C12orf42: variants seen among roughly 807,000 people sequenced by gnomAD.
C12orf42 encodes the protein uncharacterized protein C12orf42.
A neutral mutation model predicts 21.6 loss-of-function variants in C12orf42; 25 were observed. The observed-to-expected ratio is 1.16, with a 90% CI of 0.84 to 1.62. The LOEUF (loss-of-function observed/expected upper bound fraction) is 1.62, where lower values mean the gene tolerates loss of function less well. C12orf42 is among the 40% of genes most tolerant of loss of function. C12orf42 has a pLI of 0.00. For missense variants in C12orf42, 483 were observed against 459.3 expected (o/e 1.05, Z -0.47); for synonymous variants, 174 against 175.0 (o/e 0.99, Z 0.05).
chr12:103,262,620 A>G (rs956870126), intron 10 of C12orf42, among the ~76,000 whole-genome samples: 8 of 152,202 alleles, frequency 5.3e-5, no homozygotes, highest in Admixed American at 3.3e-4. Flanking sequence ...GAAAAGGAAC[A>G]TTATCTTTAA....
At chr12:103,185,761 T>C in the C12orf42 span, among the ~76,000 whole-genome samples, 76 of 152,310 alleles carry the variant, frequency 5.0e-4, no homozygotes, top group African/African-American at 1.8e-3. Flanking sequence ...TGCTTTTGCA[T>C]CTTCTGCATT....
intron 4 of C12orf42, among the ~76,000 whole-genome samples, chr12:103,330,387 G>A (rs1490536727): frequency 1.3e-5 from 2 of 152,130 alleles, no homozygotes; most frequent in African/African-American, 2.4e-5. Flanking sequence ...TTGGAGGTAC[G>A]GGAATTACTC....
chr12:103,243,627 T>C (rs1445404929), intron 10 of C12orf42, among the ~76,000 whole-genome samples: 5 of 152,192 alleles, frequency 3.3e-5, no homozygotes, highest in Non-Finnish European at 7.4e-5. Context: ...GCCTTTCTAG[T>C]AAGTAGAAAA....
At chr12:103,429,222 A>C (rs1157890028) in intron 2 of C12orf42, among the ~76,000 whole-genome samples, 1 of 152,192 alleles carries the variant, frequency 6.6e-6, no homozygotes, top group African/African-American at 2.4e-5. Context: ...AGAAAACCCC[A>C]TTGTCTCAGC....
chr12:103,474,466 G>A (rs1953891325), intron 2 of C12orf42, among the ~76,000 whole-genome samples: 1 of 151,942 alleles, frequency 6.6e-6, no homozygotes, highest in East Asian at 1.9e-4. Context: ...GTGTGTGTGT[G>A]TGTGTGTGTG....
At chr12:103,393,616 T>C (rs2047260937) in intron 3 of C12orf42, among the ~76,000 whole-genome samples, 1 of 152,198 alleles carries the variant, frequency 6.6e-6, no homozygotes, top group African/African-American at 2.4e-5. Context: ...ACTATCACTA[T>C]CTGGACCATC....
chr12:103,230,902 C>G, the C12orf42 span, among the ~76,000 whole-genome samples: 1 of 151,942 alleles, frequency 6.6e-6, no homozygotes, highest in Admixed American at 6.6e-5. Context: ...TAATTTTTGA[C>G]CTTTCTTTTT....
chr12:103,410,781 A>C (rs1166831819), intron 2 of C12orf42, among the ~76,000 whole-genome samples: 1 of 152,216 alleles, frequency 6.6e-6, no homozygotes, highest in Non-Finnish European at 1.5e-5. Context: ...TCAGATTAAC[A>C]AATCAGATTA....
intron 2 of C12orf42, among the ~76,000 whole-genome samples, chr12:103,473,196 A>T (rs1953764529): frequency 1.3e-5 from 2 of 152,256 alleles, no homozygotes; most frequent in Non-Finnish European, 2.9e-5. Context: ...AAATAATGAC[A>T]CATAATCATC....
the C12orf42 span, chr12:103,167,979 C>A: frequency 2.2e-6 from 1 of 446,220 alleles, no homozygotes; most frequent in African/African-American, 2.1e-5. Context: ...CAACTGAATT[C>A]TGAAAAATTT....
chr12:103,443,427 A>G (rs567678399), intron 2 of C12orf42, among the ~76,000 whole-genome samples: 1 of 152,200 alleles, frequency 6.6e-6, no homozygotes, highest in East Asian at 1.9e-4. Flanking sequence ...AACTTTTCTG[A>G]GACAATCTGC....
At chr12:103,399,639 A>T (rs1387888995) in intron 3 of C12orf42, among the ~76,000 whole-genome samples, 2 of 152,104 alleles carry the variant, frequency 1.3e-5, no homozygotes, top group East Asian at 3.9e-4. Context: ...AGTTTCCTGG[A>T]ACTACCTGAA....
At chr12:103,398,024 T>C (rs1049244965) in intron 3 of C12orf42, among the ~76,000 whole-genome samples, 7 of 152,114 alleles carry the variant, frequency 4.6e-5, no homozygotes, top group Non-Finnish European at 4.4e-5. Flanking sequence ...GAATATCACA[T>C]ATGTACCTCA....
intron 10 of C12orf42, among the ~76,000 whole-genome samples, chr12:103,238,375 G>A (rs765262887): frequency 5.9e-5 from 9 of 152,104 alleles, no homozygotes; most frequent in Non-Finnish European, 1.3e-4. Flanking sequence ...GATACTCCAA[G>A]TATTGTCTGT....
chr12:103,321,924 G>C (rs560783195), intron 4 of C12orf42, among the ~76,000 whole-genome samples: 5 of 152,048 alleles, frequency 3.3e-5, no homozygotes, highest in Non-Finnish European at 7.4e-5. Flanking sequence ...TAGATGAGGA[G>C]TTAGTGGGTG....
At chr12:103,382,424 C>A (rs924822982) in intron 3 of C12orf42, among the ~76,000 whole-genome samples, 1 of 152,160 alleles carries the variant, frequency 6.6e-6, no homozygotes, top group Non-Finnish European at 1.5e-5. Context: ...AGAGTCAAGT[C>A]AGTAGCAGAC....
chr12:103,219,298 A>G, the C12orf42 span, among the ~76,000 whole-genome samples: 1 of 152,246 alleles, frequency 6.6e-6, no homozygotes, highest in Admixed American at 6.5e-5. Flanking sequence ...AACTAAAACC[A>G]TAAAAACCCT....
the C12orf42 span, among the ~76,000 whole-genome samples, chr12:103,196,248 ATCT>A: frequency 6.6e-6 from 1 of 151,972 alleles, no homozygotes. Flanking sequence ...GTTTTGGGAG[ATCT>A]TCTTGCTGTT....
rs770582841 is a variant in C12orf42, at chr12:103,302,184, G to T, written c.1007C>A (p.Pro336His). The change falls in exon 6 of 6, where the codon CCC becomes CAC. Residue 336 changes from proline (P) to histidine (H), a missense_variant. By Grantham distance (77) the Pro-to-His change is moderately conservative. Transcript: ENST00000548883. ...CGTATGGAAACGCCGGGTTGGGCGGGGGGGTGCTGAGGAGCAAACCTTTAT... is the reference window on the plus strand; with the variant it reads ...CGTATGGAAACGCCGGGTTGGGCGGTGGGGTGCTGAGGAGCAAACCTTTAT... ...RLIKVCSSAP[P>H]RPTRRFHTVC... 2 of 1,612,926 alleles carry T rather than the reference G, an allele frequency of 1.2e-6. No individual in the cohort carries two copies. Among genetic ancestry groups the T allele is most frequent in the Non-Finnish European group, 1.7e-6 (2 of 1,179,496 alleles).
Sources: allele counts gnomAD v4.1 joint callset (sites outside exome capture counted in the v4.1 genomes callset), GRCh38; gene constraint gnomAD v4.1.1; transcripts MANE v1.5; gene names NCBI Gene and HGNC (gene_info 2026-07-23, HGNC 2026-07-21).